Variants in COQ6 observed in about 807,000 individuals in gnomAD.
The protein encoded by COQ6 is ubiquinone biosynthesis monooxygenase COQ6, mitochondrial.
Under a neutral mutation model 55.5 loss-of-function variants are expected in COQ6, and 45 were observed. The ratio of observed to expected loss-of-function variants is 0.81; its 90% CI spans 0.64 to 1.04. The LOEUF is 1.04. Ranked by LOEUF, COQ6 falls within the 50% of genes least tolerant of loss-of-function variation. The pLI is 0.00. For synonymous variants in COQ6, 206 were observed against 230.5 expected, an observed-to-expected ratio of 0.89 and a Z score of 0.96; for missense variants, 550 against 601.3, an observed-to-expected ratio of 0.91 and a Z score of 0.89.
intron 8 of COQ6, chr14:73,960,585 G>C: frequency 4.8e-6 from 5 of 1,036,764 alleles, no homozygotes; most frequent in Non-Finnish European, 5.8e-6. Flanking sequence ...GTCCTCTGCA[G>C]TGCAGTCATT....
At chr14:73,957,986 CATTT>C (rs969012055) in intron 4 of COQ6, 157 bp from the exon 5 acceptor site, 1 of 683,970 alleles carries the variant, frequency 1.5e-6, no homozygotes, top group Non-Finnish European at 2.6e-6. Flanking sequence ...TGGCTTCTGT[CATTT>C]ATTAGCTCAG....
intron 8 of COQ6, 86 bp downstream of exon 8, chr14:73,959,608 G>A: frequency 6.2e-7 from 1 of 1,600,222 alleles, no homozygotes; most frequent in South Asian, 1.1e-5. Context: ...ACGGATCCTT[G>A]CCAGGCTGGA....
intron 2 of COQ6, among the ~76,000 whole-genome samples, chr14:73,955,110 G>A (rs1246276360): frequency 6.6e-6 from 1 of 151,024 alleles, no homozygotes; most frequent in Non-Finnish European, 1.5e-5. Flanking sequence ...CCGCCACCAC[G>A]CCCAGCTGAT....
intron 2 of COQ6, among the ~76,000 whole-genome samples, chr14:73,955,135 A>G (rs931658605): frequency 6.0e-5 from 9 of 151,154 alleles, no homozygotes; most frequent in African/African-American, 1.2e-4. Context: ...TGTATTTTTT[A>G]GTGAAGATGA....
chr14:73,959,490 GA>G lies in COQ6; in HGVS notation c.864del (p.Lys288AsnfsTer34). 6.2e-7 allele frequency: 1 copy of G among 1,614,140 alleles called. No individual in the cohort carries two copies. Among genetic ancestry groups the G allele is most frequent in the Non-Finnish European group, 8.5e-7 (1 of 1,180,038 alleles). ...AGCAGAGCTAGTTAGCATGGATGAG[GA>G]AAAATTTGTGGATGCCGTTAACTCT... ...HAAELVSMDE[E>X]KFVDAVNSAF... is the part of the protein sequence containing the mutation. On this transcript the variant is annotated frameshift_variant, in exon 8 of 12. Transcript: ENST00000334571. LOFTEE classifies it high-confidence loss of function.
At chr14:73,958,849 C>T in intron 5 of COQ6, 122 bp from the exon 6 acceptor site, 2 of 1,545,838 alleles carry the variant, frequency 1.3e-6, no homozygotes, top group Non-Finnish European at 1.7e-6. Flanking sequence ...TGAAGCAGGC[C>T]TGATGGAATT....
At chr14:73,961,151 T>C (rs781129546) in intron 8 of COQ6, 22 bp from the exon 9 acceptor site, 1 of 1,611,374 alleles carries the variant, frequency 6.2e-7, no homozygotes, top group Non-Finnish European at 8.5e-7. Context: ...ACCTTGTTTG[T>C]CTTGTGGCTG....
intron 1 of COQ6, 26 bp downstream of exon 1, chr14:73,950,521 G>A: frequency 6.3e-7 from 1 of 1,584,384 alleles, no homozygotes; most frequent in South Asian, 1.1e-5. Context: ...GGCTACTAGT[G>A]GCCGGAAACC....
rs369688769 is a variant in COQ6, at chr14:73,959,124, G to A, written c.721-38G>A. On this transcript the variant is annotated intron_variant, in intron 6 of 11. Transcript: ENST00000334571. ...CTGGGGACTTTATTCATAGGCACTA[G>A]GTACTTCACAGAGAAACTTTTCTCC... 39 of 1,614,050 alleles carry A rather than the reference G, an allele frequency of 2.4e-5. No individual in the cohort carries two copies. The Middle Eastern group carries it at 4.9e-4, about 20-fold the overall frequency.
chr14:73,958,442 C>T (rs757259831), intron 5 of COQ6, 165 bp downstream of exon 5: 211 of 1,488,488 alleles, frequency 1.4e-4, no homozygotes, highest in Non-Finnish European at 1.8e-4. Flanking sequence ...ATGGTCTCAT[C>T]GTAAATCCTG....
chr14:73,959,870 A>G, intron 8 of COQ6: 3 of 1,254,500 alleles, frequency 2.4e-6, no homozygotes, highest in South Asian at 1.7e-5. Context: ...GCACCCAGCC[A>G]GAAAGGTGGT....
rs371613250 is a variant in COQ6 at position 73,961,482 on chromosome 14, T to G, written c.1122T>G (p.Leu374=). 2.7e-5 allele frequency: 43 copies of G among 1,614,076 alleles called. No homozygotes were observed. The highest frequency in any genetic ancestry group is 3.4e-5 in the Non-Finnish European group (40 of 1,180,050). The change falls in exon 10 of 12, where the codon CTT becomes CTG. Residue 374 remains leucine (L), a synonymous_variant. Coordinates refer to ENST00000334571, the MANE Select transcript of COQ6 (RefSeq NM_182476.3). ...IGDAAHRVHP[L]AGQGVNMGFG... is the part of the protein sequence containing the mutation. ...ATGCAGCCCACAGAGTCCATCCGCT[T>G]GCAGGACAGGGTGTCAACATGGGCT...
At position 73,961,396 on chromosome 14, in the gene COQ6, G is replaced by A. The variant is rs373009662; in HGVS notation, c.1094+21G>A. ...ATTGGGTAAGACGATAACAGAGCAG[G>A]GCCACTCCCTTCTCACTTTGCTGCC... On this transcript the variant is annotated intron_variant, in intron 9 of 11. Transcript: ENST00000334571. 10 of 1,614,018 alleles carry A rather than the reference G, an allele frequency of 6.2e-6. No individual in the cohort carries two copies. The African/African-American group carries it at 1.2e-4, about 19-fold the overall frequency.
intron 8 of COQ6, 114 bp downstream of exon 8, chr14:73,959,636 T>C (rs1566690218): frequency 1.3e-6 from 2 of 1,554,506 alleles, no homozygotes. Context: ...GGCGCGATCT[T>C]GGCTCACTGT....
At chr14:73,961,059 C>A in intron 8 of COQ6, 114 bp from the exon 9 acceptor site, 1 of 1,204,576 alleles carries the variant, frequency 8.3e-7, no homozygotes, top group Non-Finnish European at 1.2e-6. Flanking sequence ...TCAGTGTAGG[C>A]AAGTTGGGTA....
intron 2 of COQ6, chr14:73,955,223 G>T: frequency 1.7e-6 from 1 of 579,888 alleles, no homozygotes; most frequent in Non-Finnish European, 3.1e-6. Flanking sequence ...AAAGTGCTGG[G>T]ATTACAGGCA....
At chr14:73,958,014 T>A (rs1235247110) in intron 4 of COQ6, 133 bp from the exon 5 acceptor site, 1 of 783,048 alleles carries the variant, frequency 1.3e-6, no homozygotes, top group Non-Finnish European at 2.3e-6. Flanking sequence ...ACAGCATTAA[T>A]TACTGATTTT....
At chr14:73,958,072 GT>G (rs948836547) in intron 4 of COQ6, 74 bp from the exon 5 acceptor site, 1 of 1,221,064 alleles carries the variant, frequency 8.2e-7, no homozygotes, top group African/African-American at 1.5e-5. Context: ...CTTGCTTTAG[GT>G]TTAGTTATGG....
chr14:73,951,777 G>C (rs2056204129), intron 1 of COQ6, among the ~76,000 whole-genome samples: 1 of 151,000 alleles, frequency 6.6e-6, no homozygotes, highest in Admixed American at 6.6e-5. Flanking sequence ...AAGGGCAGCT[G>C]TTCCACCCTA....
Sources: allele counts gnomAD v4.1 joint callset (sites outside exome capture counted in the v4.1 genomes callset), GRCh38; gene constraint gnomAD v4.1.1; transcripts MANE v1.5; gene names NCBI Gene and HGNC (gene_info 2026-07-23, HGNC 2026-07-21).